LDB2: variants seen among roughly 807,000 people sequenced by gnomAD.
The protein encoded by LDB2 is LIM domain-binding protein 2.
LDB2 carries 12 observed loss-of-function variants against 44.3 expected under a neutral mutation model. The observed-to-expected ratio is 0.27, with a 90% CI of 0.17 to 0.44. The LOEUF (loss-of-function observed/expected upper bound fraction) is 0.44, where lower values mean the gene tolerates loss of function less well. Among genes scored for constraint, LDB2 ranks in the 20% least tolerant of loss-of-function variants. The pLI is 1.00. For missense variants in LDB2, 344 were observed against 473.5 expected, an observed-to-expected ratio of 0.73 and a Z score of 2.54; for synonymous variants, 164 against 174.8, an observed-to-expected ratio of 0.94 and a Z score of 0.49.
intron 2 of LDB2, among the ~76,000 whole-genome samples, chr4:16,665,214 A>C (rs1742712061): frequency 6.6e-6 from 1 of 152,004 alleles, no homozygotes; most frequent in South Asian, 2.1e-4. Flanking sequence ...CTAACTCCAA[A>C]AGATCAAGCT....
intron 1 of LDB2, among the ~76,000 whole-genome samples, chr4:16,869,507 C>G (rs1035747934): frequency 1.3e-5 from 2 of 152,034 alleles, no homozygotes; most frequent in African/African-American, 4.8e-5. Flanking sequence ...TCATCTAATT[C>G]CAGTAACACC....
intron 1 of LDB2, among the ~76,000 whole-genome samples, chr4:16,814,396 T>C (rs1454526696): frequency 1.3e-5 from 2 of 152,110 alleles, no homozygotes; most frequent in Non-Finnish European, 2.9e-5. Flanking sequence ...AGGACACAAG[T>C]TCAGAAGAAA....
At chr4:16,840,660 C>A (rs1785717137) in intron 1 of LDB2, among the ~76,000 whole-genome samples, 1 of 152,208 alleles carries the variant, frequency 6.6e-6, no homozygotes, top group Non-Finnish European at 1.5e-5. Flanking sequence ...CCCTTGTCAA[C>A]AAGTTGTGAC....
intron 1 of LDB2, among the ~76,000 whole-genome samples, chr4:16,790,278 G>A (rs1366767334): frequency 3.3e-5 from 5 of 152,156 alleles, no homozygotes; most frequent in African/African-American, 4.8e-5. Flanking sequence ...TTCAAACTCA[G>A]GTCTGCATGC....
intron 1 of LDB2, among the ~76,000 whole-genome samples, chr4:16,806,317 C>T (rs1001324474): frequency 3.3e-5 from 5 of 152,160 alleles, no homozygotes; most frequent in African/African-American, 1.2e-4. Context: ...TCTTTCTTTC[C>T]CCATGAAACT....
At chr4:16,810,968 T>G (rs1305601781) in intron 1 of LDB2, among the ~76,000 whole-genome samples, 1 of 152,168 alleles carries the variant, frequency 6.6e-6, no homozygotes, top group Non-Finnish European at 1.5e-5. Flanking sequence ...TGGGGGGTGG[T>G]GGGTGGATTC....
intron 5 of LDB2, among the ~76,000 whole-genome samples, chr4:16,516,113 C>T (rs927950889): frequency 6.6e-6 from 1 of 151,954 alleles, no homozygotes; most frequent in African/African-American, 2.4e-5. Flanking sequence ...GATCTGCCCA[C>T]CTCGACCTCC....
intron 1 of LDB2, among the ~76,000 whole-genome samples, chr4:16,865,448 C>T (rs4698513): frequency 0.26 from 38,916 of 152,000 alleles, 5,864 homozygotes; most frequent in East Asian, 0.68. Flanking sequence ...GCTCGGGCTG[C>T]GCTGGCAGCA....
At chr4:16,642,858 T>C (rs974942479) in intron 2 of LDB2, among the ~76,000 whole-genome samples, 2 of 152,200 alleles carry the variant, frequency 1.3e-5, no homozygotes, top group African/African-American at 4.8e-5. Context: ...CACATCAAGA[T>C]CAACATAGCA....
At chr4:16,739,801 T>C (rs998791775) in intron 2 of LDB2, among the ~76,000 whole-genome samples, 1 of 145,936 alleles carries the variant, frequency 6.9e-6, no homozygotes, top group Non-Finnish European at 1.5e-5. Context: ...TACCTGAATT[T>C]AGATGTTCAT....
At chr4:16,706,217 C>T (rs1170612571) in intron 2 of LDB2, among the ~76,000 whole-genome samples, 1 of 152,100 alleles carries the variant, frequency 6.6e-6, no homozygotes, top group East Asian at 1.9e-4. Flanking sequence ...CTACTTCCAC[C>T]CCCAAATTCA....
chr4:16,523,052 T>C (rs1431309070), intron 5 of LDB2, among the ~76,000 whole-genome samples: 1 of 152,244 alleles, frequency 6.6e-6, no homozygotes, highest in African/African-American at 2.4e-5. Flanking sequence ...AGACATTGAC[T>C]GTCTATTGTC....
At chr4:16,763,158 G>A (rs1387446217) in intron 1 of LDB2, among the ~76,000 whole-genome samples, 1 of 145,786 alleles carries the variant, frequency 6.9e-6, no homozygotes, top group African/African-American at 2.5e-5. Context: ...GAACATCCTC[G>A]AAATAAAAAT....
rs1553994472 is a variant in LDB2, at chr4:16,739,610, G to GTGTATATATATATA, written c.235+19547_235+19548insTATATATATATACA. On this transcript the variant is annotated intron_variant, in intron 2 of 7. Transcript: ENST00000304523. ...AAAAAATATATATATATATATATAT[G>GTGTATATATATATA]TATATATACATGTGTGTGTATATAT... is the stretch of plus-strand genomic sequence containing the variant. Among the ~76,000 whole-genome samples, 6 of 52,616 alleles carry GTGTATATATATATA rather than the reference G, an allele frequency of 1.1e-4. 1 individual carries two copies. The highest frequency in any genetic ancestry group is 5.4e-4 in the South Asian group (1 of 1,866). The allele number at this position is 52,616 out of a possible 152,430, so 34.5% of individuals were successfully genotyped here.
chr4:16,572,000 T>G (rs969373758), intron 5 of LDB2, among the ~76,000 whole-genome samples: 5 of 152,176 alleles, frequency 3.3e-5, no homozygotes, highest in African/African-American at 1.2e-4. Context: ...AGTTGCTGTC[T>G]TTAAAGAACT....
chr4:16,701,979 C>T (rs760751997), intron 2 of LDB2, among the ~76,000 whole-genome samples: 3 of 152,178 alleles, frequency 2.0e-5, no homozygotes, highest in African/African-American at 4.8e-5. Flanking sequence ...ACTACTATTG[C>T]TATCATTATT....
At chr4:16,731,497 G>A (rs1240986826) in intron 2 of LDB2, among the ~76,000 whole-genome samples, 2 of 152,064 alleles carry the variant, frequency 1.3e-5, no homozygotes, top group Non-Finnish European at 1.5e-5. Flanking sequence ...ACGTGTGTGT[G>A]TGCTCTCTTG....
intron 3 of LDB2, 76 bp downstream of exon 3, chr4:16,595,627 A>G: frequency 7.2e-7 from 1 of 1,387,558 alleles, no homozygotes; most frequent in South Asian, 1.4e-5. Context: ...CAGGTTCCAT[A>G]GGAAAACCAT....
intron 2 of LDB2, among the ~76,000 whole-genome samples, chr4:16,681,905 A>G (rs983267606): frequency 6.6e-6 from 1 of 152,074 alleles, no homozygotes; most frequent in East Asian, 1.9e-4. Context: ...CATTGATTCC[A>G]GTTCTGCAAC....
Sources: allele counts gnomAD v4.1 joint callset (sites outside exome capture counted in the v4.1 genomes callset), GRCh38; gene constraint gnomAD v4.1.1; transcripts MANE v1.5; gene names NCBI Gene and HGNC (gene_info 2026-07-23, HGNC 2026-07-21).